SCAF8: variants seen among roughly 807,000 people sequenced by gnomAD.
SCAF8 encodes the protein SR-related and CTD-associated factor 8.
In SCAF8, 23 loss-of-function variants were observed where a neutral mutation model predicts 140.5. The ratio of observed to expected loss-of-function variants is 0.16; its 90% CI spans 0.12 to 0.23. The LOEUF is 0.23. SCAF8 is among the 10% of genes least tolerant of loss of function. SCAF8 has a pLI of 1.00. For synonymous variants in SCAF8, 575 were observed against 528.9 expected (o/e 1.09, Z -1.20); for missense variants, 1,397 against 1,555.7 (o/e 0.90, Z 1.72).
intron 5 of SCAF8, among the ~76,000 whole-genome samples, chr6:154,793,796 CAA>C (rs1378788615): frequency 9.9e-4 from 58 of 58,802 alleles, no homozygotes; most frequent in Non-Finnish European, 1.4e-3. Context: ...GCCTGGGCAA[CAA>C]GAGCAAAACT....
chr6:154,784,159 T>TA (rs1777182455), intron 3 of SCAF8, among the ~76,000 whole-genome samples: 15 of 95,574 alleles, frequency 1.6e-4, no homozygotes, highest in East Asian at 7.7e-4. Context: ...ATATATATAT[T>TA]TATTTATTTA....
intron 4 of SCAF8, among the ~76,000 whole-genome samples, chr6:154,789,528 C>G (rs1777350843): frequency 6.6e-6 from 1 of 150,746 alleles, no homozygotes; most frequent in Admixed American, 6.6e-5. Context: ...TCTGTGCAGG[C>G]AAAAGAATGC....
chr6:154,763,234 G>A (rs576618626), intron 1 of SCAF8, among the ~76,000 whole-genome samples: 1 of 152,154 alleles, frequency 6.6e-6, no homozygotes, highest in African/African-American at 2.4e-5. Context: ...CCCAGTAAGA[G>A]GAAGAAAAGA....
intron 1 of SCAF8, among the ~76,000 whole-genome samples, chr6:154,770,400 TC>T (rs1562436597): frequency 2.0e-5 from 1 of 50,976 alleles, no homozygotes; most frequent in African/African-American, 7.1e-5. Flanking sequence ...TCTCTCTCTC[TC>T]TCTCTCTCTC....
chr6:154,808,824 C>T (rs1283229083), intron 11 of SCAF8, 26 bp downstream of exon 11: 3 of 1,442,052 alleles, frequency 2.1e-6, no homozygotes. Flanking sequence ...TTAATAATAG[C>T]CGTGTGTGAA....
Position 154,805,413 on chromosome 6 carries a change from TAGC to T in SCAF8, c.911_913del (p.Ala304del), listed in dbSNP as rs1422404172. 2 of 1,612,270 alleles carry T rather than the reference TAGC, an allele frequency of 1.2e-6. No homozygotes were observed. The highest frequency in any genetic ancestry group is 1.1e-5 in the South Asian group (1 of 90,878). On this transcript the variant is annotated inframe_deletion, in exon 9 of 20. Transcript: ENST00000367178. Reference sequence around the variant, plus strand: ...GTGAACAATTCCATTTTTCATCAGATAGCAGAACAACTACAACAGCAAAACCTA... The same window carrying T: ...GTGAACAATTCCATTTTTCATCAGATAGAACAACTACAACAGCAAAACCTA...
At chr6:154,802,197 A>T in intron 7 of SCAF8, 50 bp downstream of exon 7, 1 of 1,112,664 alleles carries the variant, frequency 9.0e-7, no homozygotes, top group South Asian at 1.9e-5. Flanking sequence ...TAAATATTAT[A>T]TACTATCATG....
chr6:154,803,012 T>G (rs1007959833), intron 7 of SCAF8, among the ~76,000 whole-genome samples: 5 of 152,202 alleles, frequency 3.3e-5, no homozygotes, highest in Non-Finnish European at 7.3e-5. Flanking sequence ...TTGGAAGTGG[T>G]GTTCATATTT....
At position 154,810,089 on chromosome 6, in the gene SCAF8, G is replaced by A. The variant is rs1162755066; in HGVS notation, c.1301G>A (p.Arg434His). The change falls in exon 12 of 20, where the codon CGC (arginine) becomes CAC (histidine). Residue 434 changes from arginine to histidine, a missense_variant. Transcript: ENST00000367178. ...KRKHRKRSRSRSRERKRKSSR... is the reference protein window; with the variant it reads ...KRKHRKRSRSHSRERKRKSSR... ...AAACACAGAAAGCGATCACGCTCCC[G>A]CTCAAGAGAAAGAAAGAGGAAATCA... The A allele has an allele frequency of 3.7e-6, 6 of 1,613,846 alleles. No individual in the cohort carries two copies. The highest frequency in any genetic ancestry group is 2.2e-5 in the South Asian group (2 of 91,038).
chr6:154,735,514 A>G (rs983179999), intron 1 of SCAF8, among the ~76,000 whole-genome samples: 12 of 122,742 alleles, frequency 9.8e-5, no homozygotes, highest in African/African-American at 4.3e-4. Context: ...AGACTTGGGA[A>G]TCTTCTTTTT....
At chr6:154,749,034 T>G (rs1393732103) in intron 1 of SCAF8, among the ~76,000 whole-genome samples, 1 of 152,166 alleles carries the variant, frequency 6.6e-6, no homozygotes, top group African/African-American at 2.4e-5. Flanking sequence ...TTCTGCCTCC[T>G]GGGTTCAAGT....
At chr6:154,815,043 A>G (rs1273281065) in intron 12 of SCAF8, among the ~76,000 whole-genome samples, 1 of 152,168 alleles carries the variant, frequency 6.6e-6, no homozygotes, top group Non-Finnish European at 1.5e-5. Context: ...CACGCCTGTT[A>G]TCCCAGCGCT....
At chr6:154,819,562 G>C (rs1055733635) in intron 14 of SCAF8, among the ~76,000 whole-genome samples, 10 of 152,132 alleles carry the variant, frequency 6.6e-5, no homozygotes, top group African/African-American at 1.9e-4. Flanking sequence ...CTGCACTCCA[G>C]CCTGGGCGAC....
rs556476807 is a variant in SCAF8, at chr6:154,736,422, C to T, written c.30+2492C>T. On this transcript the variant is annotated intron_variant, in intron 1 of 19. Transcript: ENST00000367178. ...AGTAGCTGGGATTACAGGCACCCACCGCCATGCCCAGCTAGTTTTTTGTAT... is the reference window on the plus strand; with the variant it reads ...AGTAGCTGGGATTACAGGCACCCACTGCCATGCCCAGCTAGTTTTTTGTAT... 3.7e-3 allele frequency among the ~76,000 whole-genome samples: 570 copies of T among 152,102 alleles called. 5 individuals carry two copies. The highest frequency in any genetic ancestry group is 0.013 in the African/African-American group (544 of 41,504).
intron 1 of SCAF8, among the ~76,000 whole-genome samples, chr6:154,734,386 A>C (rs1454186197): frequency 6.6e-6 from 1 of 152,178 alleles, no homozygotes; most frequent in African/African-American, 2.4e-5. Context: ...AAATGAACCT[A>C]CGGGGTGTTG....
intron 12 of SCAF8, among the ~76,000 whole-genome samples, chr6:154,812,844 A>G (rs1778136343): frequency 6.6e-6 from 1 of 152,150 alleles, no homozygotes; most frequent in African/African-American, 2.4e-5. Context: ...GAGATGGGAA[A>G]TACAGAACAG....
chr6:154,820,825 C>A (rs1778401471), intron 15 of SCAF8, among the ~76,000 whole-genome samples: 1 of 151,572 alleles, frequency 6.6e-6, no homozygotes, highest in South Asian at 2.1e-4. Context: ...TTTTTTTAAT[C>A]CCCAAAATTA....
At chr6:154,784,155 A>ATATATTTATTTATTTATT (rs1408182952) in intron 3 of SCAF8, among the ~76,000 whole-genome samples, 2 of 92,018 alleles carry the variant, frequency 2.2e-5, no homozygotes, top group African/African-American at 8.0e-5. Context: ...ATATATATAT[A>ATATATTTATTTATTTATT]TATTTATTTA....
In SCAF8 at chr6:154,808,767, A is replaced by G. The variant is rs749353277; in HGVS notation, c.1195A>G (p.Arg399Gly). The change falls in exon 11 of 20, where the codon AGA becomes GGA. Residue 399 changes from arginine (R) to glycine (G), a missense_variant. Arg to Gly is a moderately radical substitution (Grantham distance 125). Around this residue, in one of 5 missense-constraint regions of SCAF8, gnomAD observed 339 missense variants for 407.5 expected, o/e 0.83. Transcript: ENST00000367178. ...AGCTAAGAAAGTGGCGGTTCGCTCA[A>G]GATCAAGAACACATTCACGATCTCG... ...QEAKKVAVRS[R>G]SRTHSRSRSR... 3.8e-5 allele frequency: 61 copies of G among 1,613,488 alleles called. No individual in the cohort carries two copies. The highest frequency in any genetic ancestry group is 4.6e-5 in the Non-Finnish European group (54 of 1,179,584).
Sources: allele counts gnomAD v4.1 joint callset (sites outside exome capture counted in the v4.1 genomes callset), GRCh38; gene constraint gnomAD v4.1.1; regional missense constraint gnomAD v4.1.1; transcripts MANE v1.5; gene names NCBI Gene and HGNC (gene_info 2026-07-23, HGNC 2026-07-21).